The following TASP1 variants were observed in gnomAD, a reference collection of about 807,000 sequenced individuals.
TASP1 encodes threonine aspartase 1.
In TASP1, 16 loss-of-function variants were observed where a neutral mutation model predicts 56.6. The observed-to-expected ratio is 0.28, with a 90% CI of 0.19 to 0.43. TASP1 has a LOEUF of 0.43. Ranked by LOEUF, TASP1 falls within the 20% of genes least tolerant of loss-of-function variation. The probability of loss-of-function intolerance (pLI) is 1.00; values close to 1 mark genes in which losing one functional copy is unlikely to be tolerated. For missense variants in TASP1, 393 were observed against 511.6 expected (o/e 0.77, Z 2.24); for synonymous variants, 179 against 184.2 (o/e 0.97, Z 0.23).
chr20:13,595,410 A>C (rs1196784547), intron 4 of TASP1, among the ~76,000 whole-genome samples: 4 of 152,234 alleles, frequency 2.6e-5, no homozygotes, highest in African/African-American at 9.6e-5. Context: ...TAAATGCCCC[A>C]ACTAAAAGAC....
chr20:13,404,864 A>G (rs2041859954), intron 13 of TASP1, among the ~76,000 whole-genome samples: 1 of 152,190 alleles, frequency 6.6e-6, no homozygotes, highest in African/African-American at 2.4e-5. Flanking sequence ...CTGTTCAGAA[A>G]TAATCCTTTG....
Position 13,558,988 on chromosome 20 carries a change from T to C in TASP1, c.675+20A>G. On this transcript the variant is annotated intron_variant, in intron 8 of 13. Coordinates refer to ENST00000337743, the MANE Select transcript of TASP1 (RefSeq NM_017714.3). ...ATATCATCTGATACATTAATTTGAA[T>C]ATTTCAAACACCACCTGACCTTCTC... is the stretch of plus-strand genomic sequence containing the variant. 6.9e-7 allele frequency: 1 copy of C among 1,453,446 alleles called. No individual in the cohort carries two copies. The highest frequency in any genetic ancestry group is 9.4e-7 in the Non-Finnish European group (1 of 1,059,776). 90.0% of individuals were successfully genotyped at this position (1,453,446 alleles called of 1,614,324 possible).
chr20:13,451,819 G>C (rs1221540616), intron 11 of TASP1, among the ~76,000 whole-genome samples: 1 of 151,990 alleles, frequency 6.6e-6, no homozygotes, highest in Admixed American at 6.6e-5. Context: ...CTTACCTTTT[G>C]ACCCATCTCA....
At chr20:13,448,744 C>A (rs1206337397) in intron 11 of TASP1, among the ~76,000 whole-genome samples, 1 of 151,972 alleles carries the variant, frequency 6.6e-6, no homozygotes, top group African/African-American at 2.4e-5. Flanking sequence ...ACATTTTTTT[C>A]ACAGTCAGTT....
chr20:13,178,417 G>C, the TASP1 span, among the ~76,000 whole-genome samples: 8 of 151,930 alleles, frequency 5.3e-5, no homozygotes, highest in African/African-American at 1.9e-4. Flanking sequence ...TCCAAAAGAA[G>C]GTAAATCATT....
chr20:13,478,908 T>C (rs1239198038), intron 11 of TASP1, among the ~76,000 whole-genome samples: 1 of 152,140 alleles, frequency 6.6e-6, no homozygotes, highest in African/African-American at 2.4e-5. Context: ...CAGACAAATC[T>C]CTTTCAGTAG....
At chr20:13,106,418 C>G in the TASP1 span, among the ~76,000 whole-genome samples, 2 of 152,036 alleles carry the variant, frequency 1.3e-5, no homozygotes, top group Admixed American at 6.6e-5. Flanking sequence ...GGAGGGACAC[C>G]AAGGAGGAAG....
At chr20:13,485,193 C>T (rs1389407694) in intron 10 of TASP1, among the ~76,000 whole-genome samples, 1 of 152,084 alleles carries the variant, frequency 6.6e-6, no homozygotes, top group African/African-American at 2.4e-5. Flanking sequence ...ATGCCCTCTT[C>T]AACCAGAAAC....
intron 10 of TASP1, among the ~76,000 whole-genome samples, chr20:13,493,431 T>C (rs1344211366): frequency 2.6e-5 from 4 of 152,136 alleles, no homozygotes; most frequent in African/African-American, 7.2e-5. Context: ...GGGATAACTT[T>C]GTTTGCTGGG....
At chr20:13,218,322 G>A in the TASP1 span, among the ~76,000 whole-genome samples, 1 of 151,832 alleles carries the variant, frequency 6.6e-6, no homozygotes, top group East Asian at 1.9e-4. Context: ...AATCACTCAG[G>A]ATGTTTTATG....
chr20:13,479,681 G>A (rs1292542171), intron 11 of TASP1, among the ~76,000 whole-genome samples: 2 of 152,024 alleles, frequency 1.3e-5, no homozygotes, highest in African/African-American at 4.8e-5. Flanking sequence ...TTTTAGTAGA[G>A]ACAAGGTTTC....
At chr20:13,175,211 G>A in the TASP1 span, among the ~76,000 whole-genome samples, 1 of 152,140 alleles carries the variant, frequency 6.6e-6, no homozygotes. Flanking sequence ...AAGAACTTTA[G>A]TTTCTGGAAA....
the TASP1 span, chr20:13,168,044 T>G: frequency 6.6e-6 from 1 of 152,194 alleles, no homozygotes; most frequent in Non-Finnish European, 1.5e-5. Context: ...TAACTTCTCT[T>G]TCTACAAAAA....
chr20:13,105,139 G>C, the TASP1 span, among the ~76,000 whole-genome samples: 1 of 152,128 alleles, frequency 6.6e-6, no homozygotes, highest in South Asian at 2.1e-4. Context: ...CTTGTAGAAC[G>C]ACAGAGAACC....
At chr20:13,393,667 A>G (rs2041381623) in intron 13 of TASP1, 2 of 1,305,098 alleles carry the variant, frequency 1.5e-6, no homozygotes, top group South Asian at 2.4e-5. Context: ...ATGGCCTCCA[A>G]GGAATAAGAC....
intron 7 of TASP1, among the ~76,000 whole-genome samples, chr20:13,564,792 G>A (rs1471086408): frequency 2.0e-5 from 3 of 151,812 alleles, no homozygotes; most frequent in African/African-American, 7.3e-5. Context: ...TTTGAAGTCA[G>A]GAGTTCAAAA....
In TASP1 at chr20:13,435,116, C is replaced by T. The variant is rs923055223; in HGVS notation, c.1024G>A (p.Gly342Arg). The T allele has an allele frequency of 4.4e-6, 7 of 1,608,714 alleles. No homozygotes were observed. The highest frequency in any genetic ancestry group is 2.7e-5 in the African/African-American group (2 of 74,766). ...FLASEDGVLGGVIVLRSCRCS... is the reference protein window; with the variant it reads ...FLASEDGVLGRVIVLRSCRCS... Reference sequence around the variant, plus strand: ...CTGCATGAACGGAGGACAATCACTCCGCCAAGCACGCCATCTTCACTGGCA... The same window carrying T: ...CTGCATGAACGGAGGACAATCACTCTGCCAAGCACGCCATCTTCACTGGCA... The change falls in exon 12 of 14, where the codon GGA (glycine) becomes AGA (arginine). Residue 342 changes from glycine to arginine, a missense_variant. Around this residue, in one of 3 missense-constraint regions of TASP1, gnomAD observed 293 missense variants for 354.2 expected, o/e 0.83. Transcript: ENST00000337743.
the TASP1 span, chr20:13,239,676 G>T: frequency 6.6e-6 from 1 of 152,212 alleles, no homozygotes; most frequent in African/African-American, 2.4e-5. Context: ...GCACTCCATG[G>T]TGAGGCACTC....
At chr20:13,474,862 T>G (rs1437580014) in intron 11 of TASP1, among the ~76,000 whole-genome samples, 1 of 152,212 alleles carries the variant, frequency 6.6e-6, no homozygotes, top group Non-Finnish European at 1.5e-5. Flanking sequence ...ACTGTGGTTT[T>G]AATTTGCATT....
Sources: allele counts gnomAD v4.1 joint callset (sites outside exome capture counted in the v4.1 genomes callset), GRCh38; gene constraint gnomAD v4.1.1; regional missense constraint gnomAD v4.1.1; transcripts MANE v1.5; gene names NCBI Gene and HGNC (gene_info 2026-07-23, HGNC 2026-07-21).